The following STX8 variants were observed in gnomAD, a reference collection of about 807,000 sequenced individuals.
The protein encoded by STX8 is syntaxin-8.
Under a neutral mutation model 37.5 loss-of-function variants are expected in STX8, and 23 were observed. That is an observed-to-expected ratio of 0.61 (90% CI 0.44 to 0.87). The LOEUF is 0.87. STX8 is among the 40% of genes least tolerant of loss of function. The pLI is 0.00. For missense variants in STX8, 313 were observed against 284.7 expected (o/e 1.10, Z -0.71); for synonymous variants, 115 against 99.1 (o/e 1.16, Z -0.95).
chr17:9,381,730 G>T (rs1911826532), intron 6 of STX8, among the ~76,000 whole-genome samples: 1 of 152,226 alleles, frequency 6.6e-6, no homozygotes, highest in South Asian at 2.1e-4. Flanking sequence ...CAGCACTTTG[G>T]GAGGCCGAGG....
intron 7 of STX8, among the ~76,000 whole-genome samples, chr17:9,356,679 C>G (rs1287914642): frequency 6.6e-6 from 1 of 152,236 alleles, no homozygotes; most frequent in Non-Finnish European, 1.5e-5. Flanking sequence ...CTGGCAGCAT[C>G]TCTGCAAGTG....
intron 5 of STX8, among the ~76,000 whole-genome samples, chr17:9,495,197 T>C (rs772585399): frequency 6.6e-6 from 1 of 152,182 alleles, no homozygotes; most frequent in East Asian, 1.9e-4. Flanking sequence ...TTTTTAACTA[T>C]ACAAATGACC....
At chr17:9,331,625 C>T (rs957482223) in intron 7 of STX8, among the ~76,000 whole-genome samples, 3 of 152,258 alleles carry the variant, frequency 2.0e-5, no homozygotes, top group Non-Finnish European at 4.4e-5. Context: ...ATGAATTGGA[C>T]GTTTCCAAAA....
intron 1 of STX8, among the ~76,000 whole-genome samples, chr17:9,573,537 T>A (rs910170889): frequency 6.6e-6 from 1 of 152,176 alleles, no homozygotes; most frequent in African/African-American, 2.4e-5. Flanking sequence ...CTCCCTAAAT[T>A]GTATAAAAGC....
Position 9,543,585 on chromosome 17 carries a change from G to A in STX8, c.323+1587C>T, listed in dbSNP as rs553899267. On this transcript the variant is annotated intron_variant, in intron 4 of 7. Coordinates refer to ENST00000306357, the MANE Select transcript of STX8 (RefSeq NM_004853.3). ...CTCCCAAAGTGCTAGGCTTACAGGC[G>A]TGAGCCACTGCACCCAGGCGACAGT... Among the ~76,000 whole-genome samples the A allele has an allele frequency of 8.7e-4, 133 of 152,262 alleles. No homozygotes were observed. The Middle Eastern group carries it at 0.01, about 12-fold the overall frequency.
In STX8 at chr17:9,559,239, C is replaced by T. The variant is rs1344422350; in HGVS notation, c.118-1711G>A. Among the ~76,000 whole-genome samples the T allele has an allele frequency of 3.3e-5, 5 of 152,282 alleles. No homozygotes were observed. In the East Asian group the frequency reaches 9.6e-4, roughly 29 times the overall value. ...AAAAAAAGATGGAAAGCCTAATTCA[C>T]ATTTTAAGCTACCATAACCTGGGTA... On this transcript the variant is annotated intron_variant, in intron 2 of 7. Transcript: ENST00000306357.
At chr17:9,421,578 GTTC>G (rs895121752) in intron 6 of STX8, among the ~76,000 whole-genome samples, 5 of 151,664 alleles carry the variant, frequency 3.3e-5, no homozygotes, top group African/African-American at 1.2e-4. Flanking sequence ...TGAACTAGGT[GTTC>G]TTTTATTGAG....
chr17:9,559,760 A>ATATATATATATTTTTTTTTTTTT, intron 2 of STX8, among the ~76,000 whole-genome samples: 1 of 24,492 alleles, frequency 4.1e-5, no homozygotes, highest in African/African-American at 1.9e-4. Context: ...ATATATATAT[A>ATATATATATATTTTTTTTTTTTT]TTTTTTTTTT....
intron 7 of STX8, among the ~76,000 whole-genome samples, chr17:9,339,773 TAA>T (rs1200970016): frequency 6.6e-6 from 1 of 152,148 alleles, no homozygotes; most frequent in African/African-American, 2.4e-5. Flanking sequence ...ATCACATATA[TAA>T]GACAGACAAG....
At chr17:9,403,693 C>A (rs942304938) in intron 6 of STX8, among the ~76,000 whole-genome samples, 1 of 151,884 alleles carries the variant, frequency 6.6e-6, no homozygotes, top group African/African-American at 2.4e-5. Context: ...GTCGCCCAGG[C>A]TGGAGTCCAG....
At chr17:9,569,411 T>C (rs73975733) in intron 1 of STX8, 3,347 of 154,674 alleles carry the variant, frequency 0.022, 131 homozygotes, top group African/African-American at 0.076. Context: ...GGCTTGCAGA[T>C]GCCTGGGGGC....
intron 7 of STX8, among the ~76,000 whole-genome samples, chr17:9,355,076 G>A (rs1053323142): frequency 1.3e-5 from 2 of 152,014 alleles, no homozygotes; most frequent in Admixed American, 1.3e-4. Context: ...CTTTAACTGG[G>A]TGCTCTGAAA....
chr17:9,378,792 T>C, intron 6 of STX8, 139 bp from the exon 7 acceptor site: 2 of 624,206 alleles, frequency 3.2e-6, no homozygotes, highest in Non-Finnish European at 2.9e-6. Context: ...GTCGATTCTT[T>C]GAAAACTGCA....
At chr17:9,422,367 A>G (rs1039096807) in intron 6 of STX8, among the ~76,000 whole-genome samples, 4 of 152,164 alleles carry the variant, frequency 2.6e-5, no homozygotes, top group Non-Finnish European at 2.9e-5. Context: ...TCGGCCTCCC[A>G]AAGTGCTGGG....
rs546446786 is a variant in STX8, at chr17:9,329,900, G to A, written c.643+48652C>T. Among the ~76,000 whole-genome samples the A allele has an allele frequency of 4.0e-5, 6 of 151,164 alleles. No homozygotes were observed. In the East Asian group the frequency reaches 1.2e-3, roughly 29 times the overall value. ...GGCAATAGGGTGGAGGGGAGGGAGA[G>A]GGCTCAGAGGGCCTAGGGTCAGATT... is the stretch of plus-strand genomic sequence containing the variant. On this transcript the variant is annotated intron_variant, in intron 7 of 7. Transcript: ENST00000306357.
chr17:9,308,985 TTTTC>T (rs1299646626), intron 7 of STX8, among the ~76,000 whole-genome samples: 2 of 151,990 alleles, frequency 1.3e-5, no homozygotes, highest in Non-Finnish European at 2.9e-5. Flanking sequence ...GGAAGCCTAG[TTTTC>T]TTTTTTTTTC....
At chr17:9,357,874 TA>T (rs1355511629) in intron 7 of STX8, among the ~76,000 whole-genome samples, 1 of 152,208 alleles carries the variant, frequency 6.6e-6, no homozygotes, top group Non-Finnish European at 1.5e-5. Flanking sequence ...ACAGTTTCTC[TA>T]ATGTGAAGTC....
At chr17:9,357,384 A>G (rs1234648837) in intron 7 of STX8, among the ~76,000 whole-genome samples, 1 of 152,082 alleles carries the variant, frequency 6.6e-6, no homozygotes, top group Non-Finnish European at 1.5e-5. Context: ...TGAGGGATTT[A>G]AAAAATAAGA....
At chr17:9,491,687 C>A in intron 6 of STX8, 142 bp downstream of exon 6, 1 of 681,120 alleles carries the variant, frequency 1.5e-6, no homozygotes, top group South Asian at 2.4e-5. Context: ...GCCACAACCC[C>A]CACTCCAATG....
Sources: allele counts gnomAD v4.1 joint callset (sites outside exome capture counted in the v4.1 genomes callset), GRCh38; gene constraint gnomAD v4.1.1; transcripts MANE v1.5; gene names NCBI Gene and HGNC (gene_info 2026-07-23, HGNC 2026-07-21).